KANK1: variants seen among roughly 807,000 people sequenced by gnomAD.
KANK1 encodes the protein KN motif and ankyrin repeat domain-containing protein 1.
A neutral mutation model predicts 106.2 loss-of-function variants in KANK1; 109 were observed. The ratio of observed to expected loss-of-function variants is 1.03; its 90% CI spans 0.88 to 1.20. The LOEUF is 1.20. Ranked by LOEUF, KANK1 falls within the 50% of genes most tolerant of loss-of-function variation. KANK1 has a pLI of 0.00. For synonymous variants in KANK1, 873 were observed against 652.2 expected, an observed-to-expected ratio of 1.34 and a Z score of -5.16; for missense variants, 2,399 against 1,710.7, an observed-to-expected ratio of 1.40 and a Z score of -7.10.
chr9:613,325 C>T (rs1831015299), intron 1 of KANK1, among the ~76,000 whole-genome samples: 1 of 150,918 alleles, frequency 6.6e-6, no homozygotes, highest in East Asian at 1.9e-4. Flanking sequence ...ACAGCTGTAA[C>T]AATCGTTGCT....
intron 1 of KANK1, among the ~76,000 whole-genome samples, chr9:587,251 A>G (rs1018552969): frequency 2.6e-5 from 4 of 151,578 alleles, no homozygotes; most frequent in African/African-American, 7.3e-5. Flanking sequence ...TGCTCCAATG[A>G]TCTGTTCAGA....
At chr9:624,026 A>G (rs1400254635) in intron 1 of KANK1, among the ~76,000 whole-genome samples, 1 of 152,206 alleles carries the variant, frequency 6.6e-6, no homozygotes, top group Non-Finnish European at 1.5e-5. Context: ...GTATATATAT[A>G]CAGGATAGAA....
intron 1 of KANK1, among the ~76,000 whole-genome samples, chr9:507,017 C>A (rs533392516): frequency 2.0e-5 from 3 of 152,148 alleles, no homozygotes; most frequent in Non-Finnish European, 2.9e-5. Flanking sequence ...TTGAAGCTAT[C>A]CAAATTATGC....
intron 2 of KANK1, among the ~76,000 whole-genome samples, chr9:704,765 G>C (rs1004503395): frequency 3.3e-5 from 5 of 152,100 alleles, no homozygotes; most frequent in Non-Finnish European, 7.4e-5. Flanking sequence ...AGGATTGCTT[G>C]AGGCCAGGAG....
intron 1 of KANK1, 91 bp downstream of exon 1, chr9:504,845 C>G (rs1163953497): frequency 7.4e-6 from 1 of 134,312 alleles, no homozygotes; most frequent in Non-Finnish European, 1.6e-5. Context: ...GGGCTGGCCC[C>G]GCGCGGAGCC....
At chr9:727,717 T>G (rs1470597798) in intron 3 of KANK1, among the ~76,000 whole-genome samples, 1 of 149,150 alleles carries the variant, frequency 6.7e-6, no homozygotes, top group East Asian at 1.9e-4. Context: ...TGTGTGTGTG[T>G]ATGTGTGTGT....
At chr9:484,540 A>G (rs1474932751) in intron 3 of KANK1, 3 of 152,248 alleles carry the variant, frequency 2.0e-5, no homozygotes, top group African/African-American at 7.2e-5. Context: ...TATTTAAATG[A>G]CATGGTTCAT....
rs549883223 is a variant in KANK1, at chr9:567,786, G to A, written c.-84+63032G>A. Among the ~76,000 whole-genome samples the A allele has an allele frequency of 2.6e-5, 4 of 152,314 alleles. No homozygotes were observed. In the East Asian group the frequency reaches 7.7e-4, roughly 29 times the overall value. On this transcript the variant is annotated intron_variant, in intron 1 of 11. Coordinates refer to ENST00000382297, the MANE Select transcript of KANK1 (RefSeq NM_015158.5). Reference sequence around the variant, plus strand: ...CATTTTAAAATTTATTGGTTACCCAGGGAGATGCCCGAGCTTATCAGAATT... The same window carrying A: ...CATTTTAAAATTTATTGGTTACCCAAGGAGATGCCCGAGCTTATCAGAATT...
chr9:712,886 C>T lies in KANK1; in HGVS notation c.2120C>T (p.Thr707Ile), dbSNP rs771654483. 6 of 1,613,938 alleles carry T rather than the reference C, an allele frequency of 3.7e-6. No homozygotes were observed. The East Asian group carries it at 1.3e-4, about 36-fold the overall frequency. ...NTCLSTLDKQTSTQTVETRTV... is the reference protein window; with the variant it reads ...NTCLSTLDKQISTQTVETRTV... Reference sequence around the variant, plus strand: ...TGTCTAAGCACTTTGGACAAGCAGACCAGCACCCAGACTGTGGAGACGCGG... The same window carrying T: ...TGTCTAAGCACTTTGGACAAGCAGATCAGCACCCAGACTGTGGAGACGCGG... Residue 707 changes from threonine to isoleucine, a missense_variant, in exon 3 of 12, where the codon ACC becomes ATC. Thr to Ile is a moderately conservative substitution (Grantham distance 89). Coordinates refer to ENST00000382297, the MANE Select transcript of KANK1 (RefSeq NM_015158.5).
At chr9:664,412 A>G (rs1844090207) in intron 1 of KANK1, among the ~76,000 whole-genome samples, 1 of 152,106 alleles carries the variant, frequency 6.6e-6, no homozygotes, top group African/African-American at 2.4e-5. Flanking sequence ...AATTCTTTTT[A>G]TGGCTGGATA....
intron 1 of KANK1, among the ~76,000 whole-genome samples, chr9:564,309 G>A (rs1333370293): frequency 5.3e-5 from 8 of 151,916 alleles, no homozygotes; most frequent in East Asian, 1.9e-4. Context: ...GACTCCGCCC[G>A]CCTCAGCCTC....
chr9:603,791 C>G (rs1435339435), intron 1 of KANK1, among the ~76,000 whole-genome samples: 1 of 151,262 alleles, frequency 6.6e-6, no homozygotes, highest in African/African-American at 2.5e-5. Flanking sequence ...CCCACCCCGT[C>G]TCTACTAAAA....
At chr9:486,024 T>G (rs2058288833) in intron 3 of KANK1, among the ~76,000 whole-genome samples, 1 of 152,202 alleles carries the variant, frequency 6.6e-6, no homozygotes, top group Admixed American at 6.5e-5. Context: ...TCCCGTTGTC[T>G]TTAGCCAGTT....
At chr9:609,637 TA>T (rs1227313624) in intron 1 of KANK1, among the ~76,000 whole-genome samples, 3 of 150,566 alleles carry the variant, frequency 2.0e-5, no homozygotes, top group African/African-American at 7.5e-5. Flanking sequence ...TCCCAAAAAA[TA>T]AATAAATAAA....
At chr9:660,089 A>G in intron 1 of KANK1, 1 of 430,108 alleles carries the variant, frequency 2.3e-6, no homozygotes, top group Non-Finnish European at 4.6e-6. Context: ...ATAAGAATTC[A>G]TCCAACAGAG....
intron 1 of KANK1, among the ~76,000 whole-genome samples, chr9:666,591 GC>G (rs1202262248): frequency 1.3e-5 from 2 of 152,130 alleles, no homozygotes; most frequent in African/African-American, 4.8e-5. Flanking sequence ...ATCATATATG[GC>G]CTTTATTATT....
intron 3 of KANK1, among the ~76,000 whole-genome samples, chr9:716,300 C>T (rs563408629): frequency 3.9e-5 from 6 of 152,330 alleles, no homozygotes; most frequent in African/African-American, 1.4e-4. Context: ...GAGTAAAGCA[C>T]AGAGTATAAA....
chr9:638,061 T>C (rs563792420), intron 1 of KANK1, among the ~76,000 whole-genome samples: 1 of 152,206 alleles, frequency 6.6e-6, no homozygotes, highest in African/African-American at 2.4e-5. Context: ...AGATGCACAC[T>C]GTTTAATAGC....
chr9:701,034 C>G (rs1011045124), intron 2 of KANK1, among the ~76,000 whole-genome samples: 1 of 152,156 alleles, frequency 6.6e-6, no homozygotes, highest in African/African-American at 2.4e-5. Flanking sequence ...GAATGCTTTT[C>G]TTTACTCAAA....
Sources: allele counts gnomAD v4.1 joint callset (sites outside exome capture counted in the v4.1 genomes callset), GRCh38; gene constraint gnomAD v4.1.1; transcripts MANE v1.5; gene names NCBI Gene and HGNC (gene_info 2026-07-23, HGNC 2026-07-21).